SZT2: variants seen among roughly 807,000 people sequenced by gnomAD.
SZT2 encodes SZT2 subunit of KICSTOR complex.
SZT2 carries 216 observed loss-of-function variants against 404.2 expected under a neutral mutation model. The observed-to-expected ratio is 0.53, with a 90% confidence interval of 0.48 to 0.60. SZT2 has a LOEUF of 0.60. Ranked by LOEUF, SZT2 falls within the 20% of genes least tolerant of loss-of-function variation. The pLI is 0.00. For synonymous variants in SZT2, 1,693 were observed against 1,749.9 expected, an observed-to-expected ratio of 0.97 and a Z score of 0.81; for missense variants, 3,857 against 4,459.2, an observed-to-expected ratio of 0.86 and a Z score of 3.85.
rs192650252 is a variant in SZT2 at position 43,410,913 on chromosome 1, G to T, written c.499-4169G>T. 7.0e-3 allele frequency among the ~76,000 whole-genome samples: 1,065 copies of T among 152,132 alleles called. 12 individuals carry two copies. The highest frequency in any genetic ancestry group is 0.024 in the African/African-American group (998 of 41,484). On this transcript the variant is annotated intron_variant, in intron 4 of 71. Coordinates refer to ENST00000634258, the MANE Select transcript of SZT2 (RefSeq NM_001365999.1). ...GGTGGGGTATATTGGGGGTTGGGGGGGGATCTTGATAGCACTGAGTTGCTG... is the reference window on the plus strand; with the variant it reads ...GGTGGGGTATATTGGGGGTTGGGGGTGGATCTTGATAGCACTGAGTTGCTG...
In SZT2 at chr1:43,442,114, G is replaced by A. The variant is rs2153935875; in HGVS notation, c.7857G>A (p.Arg2619=). The A allele has an allele frequency of 1.9e-6, 3 of 1,546,922 alleles. No homozygotes were observed. Among genetic ancestry groups the A allele is most frequent in the Non-Finnish European group, 2.6e-6 (3 of 1,140,692 alleles). Reference sequence around the variant, plus strand: ...TGGGAAGGAACTTCTTGCAGTGGAGGAGACCAACACAGCAGGGTGAGGGCA... The same window carrying A: ...TGGGAAGGAACTTCTTGCAGTGGAGAAGACCAACACAGCAGGGTGAGGGCA... The part of the protein sequence containing the change: ...LLLGRNFLQW[R]RPTQQAAKAM... Residue 2619 remains arginine (R), a synonymous_variant, in exon 56 of 72, where the codon AGG becomes AGA. Transcript: ENST00000634258. This position sits in a 1 kb window ranked among gnomAD's most constrained non-coding sequence, Gnocchi z 4.5.
At chr1:43,440,161 C>T (rs1654911727) in intron 51 of SZT2, 113 bp downstream of exon 51, 8 of 1,410,498 alleles carry the variant, frequency 5.7e-6, no homozygotes, top group Non-Finnish European at 7.8e-6. Context: ...CAGAGAACTA[C>T]TACATCAGAA....
chr1:43,434,336 A>G, intron 40 of SZT2, 50 bp from the exon 41 acceptor site: 1 of 1,485,420 alleles, frequency 6.7e-7, no homozygotes, highest in Non-Finnish European at 9.2e-7. Context: ...ATGCCATTAC[A>G]TATAACTCCT....
rs751175985 is a variant in SZT2 at position 43,447,983 on chromosome 1, C to T, written c.9563+12C>T. 6.2e-7 allele frequency: 1 copy of T among 1,613,812 alleles called. No homozygotes were observed. The highest frequency in any genetic ancestry group is 1.1e-5 in the South Asian group (1 of 91,076). ...CGGCACGTTCTGCGGTCAGCAGATC[C>T]CCTACCTTGAACATGCCCATTTCCC... On this transcript the variant is annotated intron_variant, in intron 68 of 71. Transcript: ENST00000634258.
Position 43,443,722 on chromosome 1 carries a change from G to A in SZT2, c.8751G>A (p.Leu2917=). 6.2e-7 allele frequency: 1 copy of A among 1,614,232 alleles called. No homozygotes were observed. The highest frequency in any genetic ancestry group is 1.7e-4 in the Middle Eastern group (1 of 6,056). The change falls in exon 62 of 72, where the codon CTG becomes CTA. Residue 2917 remains leucine (L), a synonymous_variant. Transcript: ENST00000634258. ...PWLKELSLAF[L]QQYVQYLQSI... is the part of the protein sequence containing the mutation. ...TGAAGGAGCTGAGCTTGGCTTTCCT[G>A]CAGCAATATGTGCAGTATCTGCAGA...
Position 43,430,650 on chromosome 1 carries a change from T to A in SZT2, c.4635T>A (p.Ser1545Arg). The stretch of plus-strand genomic sequence containing the variant: ...TGAATCCTGATGAAGACTCCTTCAG[T>A]ATCTTGGGGGGCGACTCACCCACTG... Reference protein sequence around the residue: ...DTVNPDEDSFSILGGDSPTGP... With the variant: ...DTVNPDEDSFRILGGDSPTGP... The change falls in exon 32 of 72, where the codon AGT (serine) becomes AGA (arginine). Residue 1545 changes from serine to arginine, a missense_variant. Ser to Arg is a moderately radical substitution (Grantham distance 110, BLOSUM62 -1). Transcript: ENST00000634258. 1.2e-6 allele frequency: 2 copies of A among 1,614,144 alleles called. No homozygotes were observed. The highest frequency in any genetic ancestry group is 2.2e-5 in the South Asian group (2 of 91,078).
rs1309640301 is a variant in SZT2 at position 43,439,532 on chromosome 1, A to G, written c.6878-73A>G. On this transcript the variant is annotated intron_variant, in intron 49 of 71. Coordinates refer to ENST00000634258, the MANE Select transcript of SZT2 (RefSeq NM_001365999.1). This position sits in a 1 kb window ranked among gnomAD's most constrained non-coding sequence, Gnocchi z 4.2. ...CTAAGAGGACATTTCCCAGGCTTGCAGCTGAGTGGAGGGTCGTGGGAGGGG... is the reference window on the plus strand; with the variant it reads ...CTAAGAGGACATTTCCCAGGCTTGCGGCTGAGTGGAGGGTCGTGGGAGGGG... The G allele has an allele frequency of 6.2e-7, 1 of 1,604,544 alleles. No individual in the cohort carries two copies. The highest frequency in any genetic ancestry group is 2.2e-5 in the East Asian group (1 of 44,804).
At position 43,437,005 on chromosome 1, in the gene SZT2, C is replaced by A; in HGVS notation, c.6035-166C>A. 1.2e-6 allele frequency: 1 copy of A among 810,844 alleles called. No homozygotes were observed. The highest frequency in any genetic ancestry group is 1.7e-5 in the South Asian group (1 of 57,426). 50.2% of individuals were successfully genotyped at this position (810,844 alleles called of 1,614,324 possible). ...TATGACCTGTGTTCCTAAGGGCATG[C>A]ATCTGCCTGGCCCTGTCGTGTTACC... is the stretch of plus-strand genomic sequence containing the variant. On this transcript the variant is annotated intron_variant, in intron 42 of 71. Coordinates refer to ENST00000634258, the MANE Select transcript of SZT2 (RefSeq NM_001365999.1). The surrounding 1 kb of genome is among the most constrained non-coding windows in gnomAD (Gnocchi z 5.3).
chr1:43,452,163 C>A lies in SZT2; in HGVS notation c.*1683C>A. 1 of 1,551,264 alleles carries A rather than the reference C, an allele frequency of 6.4e-7. No individual in the cohort carries two copies. Among genetic ancestry groups the A allele is most frequent in the African/African-American group, 1.4e-5 (1 of 73,584 alleles). On this transcript the variant is annotated 3_prime_UTR_variant, in exon 72 of 72. Coordinates refer to ENST00000634258, the MANE Select transcript of SZT2 (RefSeq NM_001365999.1). ...CTGTGCACCCCCTTCTCCGCACACCCACAGAGACATGTAAGTACGTGTGTG... is the reference window on the plus strand; with the variant it reads ...CTGTGCACCCCCTTCTCCGCACACCAACAGAGACATGTAAGTACGTGTGTG...
chr1:43,425,309 A>G lies in SZT2; in HGVS notation c.2645+102A>G, dbSNP rs1653006228. On this transcript the variant is annotated intron_variant, in intron 18 of 71. Coordinates refer to ENST00000634258, the MANE Select transcript of SZT2 (RefSeq NM_001365999.1). This position sits in a 1 kb window ranked among gnomAD's most constrained non-coding sequence, Gnocchi z 4.3. ...ATATCCTGAGATGATCTTGATCCCAAAGTCAGGGAGGGGGTGCGGTGTTTA... is the reference window on the plus strand; with the variant it reads ...ATATCCTGAGATGATCTTGATCCCAGAGTCAGGGAGGGGGTGCGGTGTTTA... The G allele has an allele frequency of 2.0e-6, 3 of 1,530,444 alleles. No individual in the cohort carries two copies. The highest frequency in any genetic ancestry group is 2.7e-5 in the African/African-American group (2 of 73,208). The allele number at this position is 1,530,444 out of a possible 1,614,324, so 94.8% of individuals were successfully genotyped here.
At chr1:43,423,852 G>A (rs1652795026) in intron 15 of SZT2, among the ~76,000 whole-genome samples, 1 of 150,372 alleles carries the variant, frequency 6.7e-6, no homozygotes, top group Non-Finnish European at 1.5e-5. Flanking sequence ...GGTATGAGTA[G>A]GTCAGAGGTG....
rs1168234770 is a variant in SZT2 at position 43,441,182 on chromosome 1, T to G, written c.7345-32T>G. ...CATCCCACACCTTTCCTCTTCCCAG[T>G]AGCCCTTCCTCATTCACTGCATTGC... On this transcript the variant is annotated intron_variant, in intron 52 of 71. Transcript: ENST00000634258. This position sits in a 1 kb window ranked among gnomAD's most constrained non-coding sequence, Gnocchi z 4.8. 6.2e-7 allele frequency: 1 copy of G among 1,606,776 alleles called. No individual in the cohort carries two copies. Among genetic ancestry groups the G allele is most frequent in the Non-Finnish European group, 8.5e-7 (1 of 1,175,220 alleles).
At chr1:43,444,303 C>T (rs1168426031) in intron 62 of SZT2, among the ~76,000 whole-genome samples, 5 of 151,994 alleles carry the variant, frequency 3.3e-5, no homozygotes, top group Non-Finnish European at 7.4e-5. Flanking sequence ...CACCATGTTG[C>T]CTAGACTGGT....
At position 43,451,098 on chromosome 1, in the gene SZT2, G is replaced by A; in HGVS notation, c.*618G>A. On this transcript the variant is annotated 3_prime_UTR_variant, in exon 72 of 72. Coordinates refer to ENST00000634258, the MANE Select transcript of SZT2 (RefSeq NM_001365999.1). Reference sequence around the variant, plus strand: ...TTCTCAATGGGAGGGAAGCAGCAGAGAAACTGAAGTGTTAGACACTATGTG... The same window carrying A: ...TTCTCAATGGGAGGGAAGCAGCAGAAAAACTGAAGTGTTAGACACTATGTG... 1.1e-6 allele frequency: 1 copy of A among 892,062 alleles called. No homozygotes were observed. The highest frequency in any genetic ancestry group is 1.9e-6 in the Non-Finnish European group (1 of 534,464). The allele number at this position is 892,062 out of a possible 1,614,324, so 55.3% of individuals were successfully genotyped here.
intron 3 of SZT2, 39 bp downstream of exon 3, chr1:43,403,813 G>A (rs375500746): frequency 1.2e-6 from 2 of 1,605,742 alleles, no homozygotes; most frequent in African/African-American, 1.3e-5. Flanking sequence ...GAAAGGATGG[G>A]GTGGGGTGTG....
Position 43,439,335 on chromosome 1 carries a change from C to G in SZT2, c.6793-23C>G, listed in dbSNP as rs779825107. On this transcript the variant is annotated intron_variant, in intron 48 of 71. Coordinates refer to ENST00000634258, the MANE Select transcript of SZT2 (RefSeq NM_001365999.1). The surrounding 1 kb of genome is among the most constrained non-coding windows in gnomAD (Gnocchi z 4.2). ...TTTGTCCATTTGCTTGCTCTTAGTG[C>G]TCTGTGGCTGTTCTTTCCCCAGCAT... 1 of 1,613,138 alleles carries G rather than the reference C, an allele frequency of 6.2e-7. No homozygotes were observed. Among genetic ancestry groups the G allele is most frequent in the Non-Finnish European group, 8.5e-7 (1 of 1,179,316 alleles).
intron 8 of SZT2, 34 bp downstream of exon 8, chr1:43,419,978 G>A (rs1183682120): frequency 3.1e-6 from 5 of 1,596,486 alleles, no homozygotes; most frequent in Middle Eastern, 1.7e-4. Context: ...GTGGGAAGGA[G>A]GGAATATAGA....
chr1:43,408,966 A>T (rs1482637435), intron 4 of SZT2, among the ~76,000 whole-genome samples: 1 of 152,142 alleles, frequency 6.6e-6, no homozygotes, highest in East Asian at 1.9e-4. Flanking sequence ...GTGATGGGGA[A>T]AGAGGGGTGA....
At chr1:43,445,714 G>A in intron 62 of SZT2, 180 bp from the exon 63 acceptor site, 1 of 663,414 alleles carries the variant, frequency 1.5e-6, no homozygotes, top group Admixed American at 2.2e-5. Context: ...TATGGAGAGA[G>A]CCCAGCCTTG....
Sources: allele counts gnomAD v4.1 joint callset (sites outside exome capture counted in the v4.1 genomes callset), GRCh38; gene constraint gnomAD v4.1.1; non-coding constraint Gnocchi (gnomAD v3.1); transcripts MANE v1.5; gene names NCBI Gene and HGNC (gene_info 2026-07-23, HGNC 2026-07-21).